Variants in ANXA9 observed in about 807,000 individuals in gnomAD.
ANXA9 encodes the protein annexin 31.
ANXA9 carries 47 observed loss-of-function variants against 51.8 expected under a neutral mutation model. That is an observed-to-expected ratio of 0.91 (90% CI 0.72 to 1.16). ANXA9 has a LOEUF of 1.16. Ranked by LOEUF, ANXA9 falls within the 50% of genes most tolerant of loss-of-function variation. ANXA9 has a pLI of 0.00. For missense variants in ANXA9, 361 were observed against 424.7 expected (o/e 0.85, Z 1.32); for synonymous variants, 154 against 168.7 (o/e 0.91, Z 0.68).
At chr1:150,983,021 G>A (rs976024944) in intron 2 of ANXA9, 69 bp from the exon 3 acceptor site, 17 of 1,173,264 alleles carry the variant, frequency 1.4e-5, no homozygotes, top group East Asian at 4.7e-5. Flanking sequence ...CCAGGGTCTC[G>A]GGGGGGTCAT....
At chr1:150,978,068 T>C (rs1222169264), upstream of ANXA9, among the ~76,000 whole-genome samples, 2 of 151,092 alleles carry the variant, frequency 1.3e-5, no homozygotes. Context: ...CCTAGGAGGG[T>C]GAGGTTGCAG....
At chr1:150,978,456 G>A (rs999111442), upstream of ANXA9, among the ~76,000 whole-genome samples, 7 of 152,086 alleles carry the variant, frequency 4.6e-5, no homozygotes, top group African/African-American at 1.7e-4. Context: ...AAAGCAATGT[G>A]GGACTTGGAG....
At chr1:150,984,814 G>T in intron 7 of ANXA9, 138 bp downstream of exon 7, 1 of 643,448 alleles carries the variant, frequency 1.6e-6, no homozygotes, top group East Asian at 2.8e-5. Flanking sequence ...CTTTCCTCTT[G>T]CCCCCACCAG....
At chr1:150,994,178 T>C (rs1159861930) in intron 12 of ANXA9, among the ~76,000 whole-genome samples, 2 of 152,176 alleles carry the variant, frequency 1.3e-5, no homozygotes, top group Non-Finnish European at 2.9e-5. Flanking sequence ...CCTTGGATAT[T>C]CACTAACTTG....
intron 12 of ANXA9, among the ~76,000 whole-genome samples, chr1:150,990,353 C>G (rs1323963222): frequency 7.3e-6 from 1 of 137,886 alleles, no homozygotes; most frequent in Admixed American, 7.7e-5. Context: ...ATAACATAGG[C>G]CCATTTTTCT....
intron 13 of ANXA9, 78 bp from the exon 14 acceptor site, chr1:150,995,182 C>T (rs1404411483): frequency 4.2e-6 from 6 of 1,444,518 alleles, no homozygotes; most frequent in African/African-American, 2.8e-5. Flanking sequence ...CTGTGATGGA[C>T]CAGCCCAAAG....
At chr1:150,978,921 G>T (rs182906664), upstream of ANXA9, among the ~76,000 whole-genome samples, 1 of 151,970 alleles carries the variant, frequency 6.6e-6, no homozygotes, top group Non-Finnish European at 1.5e-5. Flanking sequence ...CCGAGATCGC[G>T]CCATTGCACT....
intron 12 of ANXA9, among the ~76,000 whole-genome samples, chr1:150,993,185 A>G (rs918823963): frequency 1.3e-5 from 2 of 152,002 alleles, no homozygotes; most frequent in African/African-American, 4.8e-5. Flanking sequence ...ACTGGTGCAC[A>G]GAAAAAAAAA....
intron 12 of ANXA9, among the ~76,000 whole-genome samples, chr1:150,991,154 T>A (rs1044574593): frequency 1.0e-4 from 15 of 149,194 alleles, no homozygotes; most frequent in East Asian, 3.9e-4. Context: ...AAAAAAAAAA[T>A]AATAATAATA....
In ANXA9 at chr1:150,994,640, C is replaced by T; in HGVS notation, c.916C>T (p.Leu306=). ...ILISRCETDL[L]SIRAEFRKKF... ...TATCTCTCGATGTGAGACTGACCTT[C>T]TGAGTATCAGAGCTGAGTTCAGGAA... Residue 306 remains leucine, a synonymous_variant, in exon 13 of 14, where the codon CTG becomes TTG. Transcript: ENST00000368947. 1 of 1,614,126 alleles carries T rather than the reference C, an allele frequency of 6.2e-7. No individual in the cohort carries two copies. The highest frequency in any genetic ancestry group is 1.1e-5 in the South Asian group (1 of 91,086).
intron 5 of ANXA9, 38 bp downstream of exon 5, chr1:150,984,107 G>A (rs369682716): frequency 6.3e-7 from 1 of 1,595,262 alleles, no homozygotes; most frequent in African/African-American, 1.4e-5. Flanking sequence ...GTGGACTGGG[G>A]TGAGAAACCC....
At chr1:150,992,379 G>C (rs746538216) in intron 12 of ANXA9, among the ~76,000 whole-genome samples, 6 of 152,028 alleles carry the variant, frequency 3.9e-5, no homozygotes, top group Non-Finnish European at 7.4e-5. Context: ...GTGAAACCCC[G>C]TCTCTACTAA....
At position 150,995,409 on chromosome 1, in the gene ANXA9, T is replaced by C; in HGVS notation, c.*87T>C. Reference sequence around the variant, plus strand: ...CTGGGAGACCAGCTGGGCCTCCAAGTAGGATAACCCCTCACTGAGCACCAC... The same window carrying C: ...CTGGGAGACCAGCTGGGCCTCCAAGCAGGATAACCCCTCACTGAGCACCAC... On this transcript the variant is annotated 3_prime_UTR_variant, in exon 14 of 14. Coordinates refer to ENST00000368947, the MANE Select transcript of ANXA9 (RefSeq NM_003568.3). The C allele has an allele frequency of 1.6e-6, 2 of 1,251,530 alleles. No individual in the cohort carries two copies. Among genetic ancestry groups the C allele is most frequent in the Non-Finnish European group, 2.2e-6 (2 of 890,440 alleles). 77.5% of individuals were successfully genotyped at this position (1,251,530 alleles called of 1,614,324 possible).
intron 12 of ANXA9, among the ~76,000 whole-genome samples, chr1:150,988,976 T>G (rs1357171753): frequency 2.0e-5 from 3 of 150,774 alleles, no homozygotes; most frequent in Admixed American, 6.6e-5. Flanking sequence ...ATCCATACTT[T>G]TTTTTTTTTT....
At chr1:150,991,933 ATTTTTGTATTTTTAGTAGAGACAGGG>A (rs1671712090) in intron 12 of ANXA9, among the ~76,000 whole-genome samples, 1 of 151,742 alleles carries the variant, frequency 6.6e-6, no homozygotes, top group Admixed American at 6.6e-5. Context: ...CGCCCGGCTA[ATTTTTGTATTTTTAGTAGAGACAGGG>A]TTTCACCATG....
intron 12 of ANXA9, among the ~76,000 whole-genome samples, chr1:150,989,455 C>T (rs1404998535): frequency 1.3e-5 from 2 of 151,950 alleles, no homozygotes; most frequent in African/African-American, 4.8e-5. Context: ...CTTTGGGAGG[C>T]CAAGGTGGAT....
upstream of ANXA9, among the ~76,000 whole-genome samples, chr1:150,978,126 CT>C (rs1405317959): frequency 6.7e-6 from 1 of 150,206 alleles, no homozygotes; most frequent in Non-Finnish European, 1.5e-5. Flanking sequence ...CAGAGTGAGA[CT>C]CCATCTCAAA....
chr1:150,986,602 G>A lies in ANXA9; in HGVS notation c.553G>A (p.Gly185Arg), dbSNP rs200423517. The change falls in exon 9 of 14, where the codon GGG (glycine) becomes AGG (arginine). Residue 185 changes from glycine (G) to arginine (R), a missense_variant and splice_region_variant. By Grantham distance (125) the Gly-to-Arg change is moderately radical. Transcript: ENST00000368947. ...LQDLLLALAK[G>R]GRDSYSGIID... The stretch of plus-strand genomic sequence containing the variant: ...CTCTAAGAACAGTTTCTCCTCCTAG[G>A]GGGGCCGTGACAGCTACTCTGGAAT... 5.0e-6 allele frequency: 8 copies of A among 1,607,510 alleles called. No homozygotes were observed. The highest frequency in any genetic ancestry group is 1.7e-4 in the Middle Eastern group (1 of 6,046).
chr1:150,989,297 A>G (rs1327725851), intron 12 of ANXA9, among the ~76,000 whole-genome samples: 1 of 152,018 alleles, frequency 6.6e-6, no homozygotes, highest in Admixed American at 6.6e-5. Flanking sequence ...CCGTACTTAA[A>G]CTGCTGACTG....
Sources: allele counts gnomAD v4.1 joint callset (sites outside exome capture counted in the v4.1 genomes callset), GRCh38; gene constraint gnomAD v4.1.1; transcripts MANE v1.5; gene names NCBI Gene and HGNC (gene_info 2026-07-23, HGNC 2026-07-21).